Variants in NEMP2 observed in about 807,000 individuals in gnomAD.
NEMP2 encodes UPF0571 transmembrane protein.
In NEMP2, 53 loss-of-function variants were observed where a neutral mutation model predicts 54.2. That is an observed-to-expected ratio of 0.98 (90% confidence interval 0.78 to 1.23). The LOEUF (loss-of-function observed/expected upper bound fraction) is 1.23, where lower values mean the gene tolerates loss of function less well. Among genes scored for constraint, NEMP2 ranks in the 50% most tolerant of loss-of-function variants. The pLI, the probability that NEMP2 is intolerant of heterozygous loss-of-function variation, is 0.00. For synonymous variants in NEMP2, 197 were observed against 190.3 expected, an observed-to-expected ratio of 1.04 and a Z score of -0.29; for missense variants, 455 against 511.3, an observed-to-expected ratio of 0.89 and a Z score of 1.06.
rs1322043736 is a variant in NEMP2 at position 190,531,000 on chromosome 2, C to T, written c.97+3559G>A. On this transcript the variant is annotated intron_variant, in intron 1 of 8. Coordinates refer to ENST00000409150, the MANE Select transcript of NEMP2 (RefSeq NM_001142645.2). The surrounding 1 kb of genome is among the most constrained non-coding windows in gnomAD (Gnocchi z 4.6). Reference sequence around the variant, plus strand: ...GCAATATGGTGAAACCCTGTCTTTACCAAAAATAAAAAATTGGCCAGGATC... The same window carrying T: ...GCAATATGGTGAAACCCTGTCTTTATCAAAAATAAAAAATTGGCCAGGATC... Among the ~76,000 whole-genome samples, 1 of 151,734 alleles carries T rather than the reference C, an allele frequency of 6.6e-6. No homozygotes were observed. The highest frequency in any genetic ancestry group is 1.9e-4 in the East Asian group (1 of 5,174).
At chr2:190,524,410 AC>A (rs1026013738) in intron 2 of NEMP2, among the ~76,000 whole-genome samples, 5 of 152,148 alleles carry the variant, frequency 3.3e-5, no homozygotes, top group African/African-American at 1.2e-4. Flanking sequence ...TAGTGGAAGA[AC>A]CTGACAAACA....
At chr2:190,556,764 A>C in the NEMP2 span, among the ~76,000 whole-genome samples, 1 of 152,220 alleles carries the variant, frequency 6.6e-6, no homozygotes, top group Non-Finnish European at 1.5e-5. Context: ...AATACAACTT[A>C]CAAGGGATGT....
the NEMP2 span, among the ~76,000 whole-genome samples, chr2:190,541,204 C>CT: frequency 1.3e-5 from 2 of 150,950 alleles, no homozygotes; most frequent in Non-Finnish European, 2.9e-5. The surrounding 1 kb of genome is among the most constrained non-coding windows in gnomAD (Gnocchi z 5.2). Context: ...ATTTGGTCTC[C>CT]ATTTTATTTA....
At chr2:190,540,330 C>T in the NEMP2 span, among the ~76,000 whole-genome samples, 11 of 151,048 alleles carry the variant, frequency 7.3e-5, no homozygotes, top group South Asian at 1.7e-3. Context: ...ATCACCCATA[C>T]TGGAGTACAG....
chr2:190,469,890 G>C, the NEMP2 span: 1 of 1,481,490 alleles, frequency 6.7e-7, no homozygotes, highest in Non-Finnish European at 9.4e-7. This position sits in a 1 kb window ranked among gnomAD's most constrained non-coding sequence, Gnocchi z 5.3. Flanking sequence ...TTATTTCTCT[G>C]CCTTCCCTGA....
downstream of NEMP2, among the ~76,000 whole-genome samples, chr2:190,502,641 G>A (rs1690075808): frequency 6.6e-6 from 1 of 152,246 alleles, no homozygotes; most frequent in Admixed American, 6.5e-5. This position sits in a 1 kb window ranked among gnomAD's most constrained non-coding sequence, Gnocchi z 4.4. Context: ...GTCACATGAA[G>A]TGGATAGCTG....
the NEMP2 span, chr2:190,608,574 T>A: frequency 1.3e-5 from 2 of 152,180 alleles, no homozygotes; most frequent in Non-Finnish European, 2.9e-5. The surrounding 1 kb of genome is among the most constrained non-coding windows in gnomAD (Gnocchi z 4.9). Context: ...CCAGAAAGCA[T>A]TGAGCCTGTA....
chr2:190,640,738 T>C, the NEMP2 span, among the ~76,000 whole-genome samples: 1 of 150,806 alleles, frequency 6.6e-6, no homozygotes, highest in Non-Finnish European at 1.5e-5. Context: ...TAATTTGTTG[T>C]GGTAATTTGT....
At chr2:190,564,436 A>G in the NEMP2 span, among the ~76,000 whole-genome samples, 4 of 152,102 alleles carry the variant, frequency 2.6e-5, no homozygotes, top group African/African-American at 7.2e-5. The surrounding 1 kb of genome is among the most constrained non-coding windows in gnomAD (Gnocchi z 4.2). Context: ...TCAATTTTAT[A>G]TGTACCAGTC....
the NEMP2 span, among the ~76,000 whole-genome samples, chr2:190,646,118 C>T: frequency 2.0e-5 from 3 of 152,200 alleles, no homozygotes; most frequent in African/African-American, 7.2e-5. Flanking sequence ...ATTGCATGGA[C>T]GTTTAACAAA....
In NEMP2 at chr2:190,506,487, A is replaced by G. The variant is rs1012717179; in HGVS notation, c.*2702T>C. 3 of 152,206 alleles carry G rather than the reference A, an allele frequency of 2.0e-5. No homozygotes were observed. The highest frequency in any genetic ancestry group is 7.2e-5 in the African/African-American group (3 of 41,446). 9.4% of individuals were successfully genotyped at this position (152,206 alleles called of 1,614,324 possible). ...ATATTTAGATATTTTTATGTAATCC[A>G]TCATCTATTCCAAACCCTCTTAAAA... On this transcript the variant is annotated 3_prime_UTR_variant, in exon 9 of 9. Transcript: ENST00000409150. The surrounding 1 kb of genome is among the most constrained non-coding windows in gnomAD (Gnocchi z 6.3).
At chr2:190,488,712 T>G in the NEMP2 span, 1 of 1,604,254 alleles carries the variant, frequency 6.2e-7, no homozygotes, top group Non-Finnish European at 8.5e-7. This position sits in a 1 kb window ranked among gnomAD's most constrained non-coding sequence, Gnocchi z 6.4. Flanking sequence ...GTGCAGCCGT[T>G]CCCCCTGAGC....
chr2:190,472,922 G>C, the NEMP2 span, among the ~76,000 whole-genome samples: 1 of 152,112 alleles, frequency 6.6e-6, no homozygotes, highest in Non-Finnish European at 1.5e-5. Flanking sequence ...AGAGAGTGGG[G>C]GCCAATATTC....
the NEMP2 span, among the ~76,000 whole-genome samples, chr2:190,587,459 C>T: frequency 3.3e-5 from 5 of 152,244 alleles, no homozygotes; most frequent in East Asian, 3.9e-4. This position sits in a 1 kb window ranked among gnomAD's most constrained non-coding sequence, Gnocchi z 5.4. Context: ...CATTCTTCAT[C>T]GCTGATCTTG....
chr2:190,593,670 C>A, the NEMP2 span, among the ~76,000 whole-genome samples: 6 of 152,176 alleles, frequency 3.9e-5, no homozygotes, highest in Non-Finnish European at 8.8e-5. This position sits in a 1 kb window ranked among gnomAD's most constrained non-coding sequence, Gnocchi z 4.5. Context: ...AGAATGGACA[C>A]TGAGAGATAG....
chr2:190,465,661 G>A, the NEMP2 span, among the ~76,000 whole-genome samples: 1 of 152,062 alleles, frequency 6.6e-6, no homozygotes, highest in East Asian at 1.9e-4. The surrounding 1 kb of genome is among the most constrained non-coding windows in gnomAD (Gnocchi z 4.6). Context: ...CATTTGCTTG[G>A]GTTACCACAA....
the NEMP2 span, among the ~76,000 whole-genome samples, chr2:190,543,855 A>G: frequency 1.3e-5 from 2 of 152,160 alleles, no homozygotes; most frequent in African/African-American, 2.4e-5. This position sits in a 1 kb window ranked among gnomAD's most constrained non-coding sequence, Gnocchi z 4.7. Flanking sequence ...TTTTATTTCT[A>G]TGGTTCTTGC....
the NEMP2 span, among the ~76,000 whole-genome samples, chr2:190,495,436 C>A: frequency 6.6e-6 from 1 of 152,054 alleles, no homozygotes; most frequent in African/African-American, 2.4e-5. This position sits in a 1 kb window ranked among gnomAD's most constrained non-coding sequence, Gnocchi z 4.7. Flanking sequence ...AAGCAATCTA[C>A]AAATTCAATG....
At chr2:190,466,601 G>C in the NEMP2 span, among the ~76,000 whole-genome samples, 1 of 152,276 alleles carries the variant, frequency 6.6e-6, no homozygotes, top group Admixed American at 6.5e-5. Context: ...CATTTATTGA[G>C]TGCTTATTTT....
Sources: gnomAD v4.1 joint callset for allele counts (sites outside exome capture counted in the v4.1 genomes callset) on GRCh38, gnomAD v4.1.1 for gene constraint, Gnocchi (gnomAD v3.1) non-coding constraint, MANE v1.5 for transcripts, NCBI Gene and HGNC (gene_info 2026-07-23, HGNC 2026-07-21) for gene names.